ADCY1: variants seen among roughly 807,000 people sequenced by gnomAD.
ADCY1 encodes adenylate cyclase 1.
In ADCY1, 28 loss-of-function variants were observed where a neutral mutation model predicts 105.4. The observed-to-expected ratio is 0.27, with a 90% CI of 0.20 to 0.36. The LOEUF (loss-of-function observed/expected upper bound fraction) is 0.36, where lower values mean the gene tolerates loss of function less well. Ranked by LOEUF, ADCY1 falls within the 10% of genes least tolerant of loss-of-function variation. The pLI is 1.00. For missense variants in ADCY1, 977 were observed against 1,434.2 expected, an observed-to-expected ratio of 0.68 and a Z score of 5.15; for synonymous variants, 655 against 623.8, an observed-to-expected ratio of 1.05 and a Z score of -0.75.
chr7:45,687,082 C>A (rs1016396950), intron 14 of ADCY1, among the ~76,000 whole-genome samples: 2 of 152,166 alleles, frequency 1.3e-5, no homozygotes, highest in African/African-American at 4.8e-5. Context: ...TGCCAAAACT[C>A]TCACCACCTA....
chr7:45,662,225 C>T lies in ADCY1; in HGVS notation c.1605+11C>T. The T allele has an allele frequency of 1.2e-6, 2 of 1,609,994 alleles. No homozygotes were observed. The highest frequency in any genetic ancestry group is 1.7e-6 in the Non-Finnish European group (2 of 1,178,666). ...GAGGACGATGACAAGGTAGGAGCAG[C>T]CAGGGAGCCTGCCATGCTGGAGCTG... On this transcript the variant is annotated intron_variant, in intron 8 of 19. Coordinates refer to ENST00000297323, the MANE Select transcript of ADCY1 (RefSeq NM_021116.4).
At position 45,574,807 on chromosome 7, in the gene ADCY1, C is replaced by G; in HGVS notation, c.264C>G (p.Pro88=). ...AELLGAPGPA[P]GLAKGSHPVH... is the part of the protein sequence containing the mutation. ...TGCTGGGCGCGCCGGGGCCCGCGCC[C>G]GGCCTGGCCAAGGGCTCACACCCGG... is the stretch of plus-strand genomic sequence containing the variant. Residue 88 remains proline (P), a synonymous_variant, in exon 1 of 20, where the codon CCC becomes CCG. Coordinates refer to ENST00000297323, the MANE Select transcript of ADCY1 (RefSeq NM_021116.4). This position sits in a 1 kb window ranked among gnomAD's most constrained non-coding sequence, Gnocchi z 7.0. 1.3e-6 allele frequency: 2 copies of G among 1,589,190 alleles called. No homozygotes were observed. Among genetic ancestry groups the G allele is most frequent in the Non-Finnish European group, 1.7e-6 (2 of 1,172,140 alleles).
At chr7:45,631,502 A>G (rs1444968654) in intron 4 of ADCY1, among the ~76,000 whole-genome samples, 1 of 152,236 alleles carries the variant, frequency 6.6e-6, no homozygotes, top group Non-Finnish European at 1.5e-5. Context: ...TTCCTTAAAT[A>G]CTTGTTTTAC....
chr7:45,598,800 C>T (rs894155325), intron 2 of ADCY1, among the ~76,000 whole-genome samples: 4 of 152,208 alleles, frequency 2.6e-5, no homozygotes, highest in African/African-American at 9.7e-5. Flanking sequence ...TCAGTCACAG[C>T]ATAGAAAGCT....
chr7:45,578,864 T>C (rs1792431336), intron 1 of ADCY1, among the ~76,000 whole-genome samples: 1 of 152,236 alleles, frequency 6.6e-6, no homozygotes, highest in Non-Finnish European at 1.5e-5. Flanking sequence ...TGAATCAGGA[T>C]ATTGTATTTT....
Position 45,686,559 on chromosome 7 carries a change from C to T in ADCY1, c.2340C>T (p.Val780=), listed in dbSNP as rs1019413845. 3.1e-6 allele frequency: 5 copies of T among 1,611,566 alleles called. No individual in the cohort carries two copies. In the South Asian group the frequency reaches 5.5e-5, roughly 18 times the overall value. Residue 780 remains valine, a synonymous_variant, in exon 14 of 20, where the codon GTC becomes GTT. Transcript: ENST00000297323. The surrounding 1 kb of genome is among the most constrained non-coding windows in gnomAD (Gnocchi z 4.3). ...CATCTTCCCCCAGGGGTGGTGCCGT[C>T]TCCGGGCGCAGCTACGAGCCGATTG... The part of the protein sequence containing the change: ...SGYTRTGGGA[V]SGRSYEPIVA...
In ADCY1 at chr7:45,575,795, C is replaced by T. The variant is rs1462163301; in HGVS notation, c.639+613C>T. Among the ~76,000 whole-genome samples the T allele has an allele frequency of 6.6e-6, 1 of 152,256 alleles. No homozygotes were observed. The highest frequency in any genetic ancestry group is 1.5e-5 in the Non-Finnish European group (1 of 68,050). Reference sequence around the variant, plus strand: ...AACACAGTCTAGTCCCTGCCGCTGCCACTCGGCGGTTGCCCTGACCCTGCC... The same window carrying T: ...AACACAGTCTAGTCCCTGCCGCTGCTACTCGGCGGTTGCCCTGACCCTGCC... On this transcript the variant is annotated intron_variant, in intron 1 of 19. Coordinates refer to ENST00000297323, the MANE Select transcript of ADCY1 (RefSeq NM_021116.4). This position sits in a 1 kb window ranked among gnomAD's most constrained non-coding sequence, Gnocchi z 4.7.
rs1785435308 is a variant in ADCY1 at position 45,719,842 on chromosome 7, T to C, written c.*5847T>C. ...GATTTCCCTCAGAAAATCCTTGTTA[T>C]TAGAGGAGAAGGTCTGGGCAGGGGC... On this transcript the variant is annotated 3_prime_UTR_variant, in exon 20 of 20. Coordinates refer to ENST00000297323, the MANE Select transcript of ADCY1 (RefSeq NM_021116.4). 6.6e-6 allele frequency: 1 copy of C among 152,224 alleles called. No homozygotes were observed. The highest frequency in any genetic ancestry group is 1.5e-5 in the Non-Finnish European group (1 of 68,040). 9.4% of individuals were successfully genotyped at this position (152,224 alleles called of 1,614,324 possible).
intron 4 of ADCY1, among the ~76,000 whole-genome samples, chr7:45,627,728 G>T (rs879885561): frequency 1.3e-5 from 2 of 152,184 alleles, no homozygotes; most frequent in Non-Finnish European, 2.9e-5. Context: ...AGCAGGGTCA[G>T]TACCTGGGAC....
At chr7:45,672,892 A>G (rs566444995) in intron 8 of ADCY1, among the ~76,000 whole-genome samples, 2 of 152,316 alleles carry the variant, frequency 1.3e-5, no homozygotes, top group South Asian at 4.1e-4. Context: ...TCCAGAGCAT[A>G]GAAGGAACGT....
chr7:45,646,528 G>C (rs1051379228), intron 4 of ADCY1, among the ~76,000 whole-genome samples: 3 of 152,200 alleles, frequency 2.0e-5, no homozygotes, highest in African/African-American at 7.2e-5. Context: ...ACTGCACAGA[G>C]ACCCTTGCCC....
chr7:45,578,322 T>G (rs1163716464), intron 1 of ADCY1, among the ~76,000 whole-genome samples: 2 of 152,190 alleles, frequency 1.3e-5, no homozygotes, highest in Non-Finnish European at 2.9e-5. Flanking sequence ...TCCATAAATA[T>G]GTGCTAAGTG....
chr7:45,627,504 C>T (rs962765073), intron 4 of ADCY1, among the ~76,000 whole-genome samples: 1 of 152,218 alleles, frequency 6.6e-6, no homozygotes, highest in Non-Finnish European at 1.5e-5. Flanking sequence ...TGGAGCCTGG[C>T]ACACAATGGC....
chr7:45,657,474 G>A (rs1794972610), intron 5 of ADCY1, among the ~76,000 whole-genome samples: 1 of 152,244 alleles, frequency 6.6e-6, no homozygotes, highest in African/African-American at 2.4e-5. Context: ...TCATGAGTCT[G>A]GTGTGGACAT....
rs747754131 is a variant in ADCY1, at chr7:45,622,709, A to G, written c.986A>G (p.Asn329Ser). 5 of 1,609,590 alleles carry G rather than the reference A, an allele frequency of 3.1e-6. No individual in the cohort carries two copies. The highest frequency in any genetic ancestry group is 1.4e-5 in the African/African-American group (1 of 73,802). ...CTAQELVKLLNELFGKFDELA... is the reference protein window; with the variant it reads ...CTAQELVKLLSELFGKFDELA... The stretch of plus-strand genomic sequence containing the variant: ...GCCCAGGAGCTGGTGAAACTCCTCA[A>G]TGAGCTCTTCGGCAAGTTCGATGAA... The change falls in exon 4 of 20, where the codon AAT (asparagine) becomes AGT (serine). Residue 329 changes from asparagine (N) to serine (S), a missense_variant. Transcript: ENST00000297323.
At chr7:45,661,151 T>C (rs1795089907) in intron 7 of ADCY1, among the ~76,000 whole-genome samples, 1 of 152,140 alleles carries the variant, frequency 6.6e-6, no homozygotes, top group African/African-American at 2.4e-5. Flanking sequence ...GCCCCTGGGC[T>C]CTGTCACATT....
At chr7:45,670,520 A>T (rs1052265313) in intron 8 of ADCY1, among the ~76,000 whole-genome samples, 1 of 152,164 alleles carries the variant, frequency 6.6e-6, no homozygotes, top group African/African-American at 2.4e-5. Flanking sequence ...ACCTGTGTTC[A>T]TCAGCCCCGA....
At chr7:45,694,247 C>T (rs1307863073) in intron 14 of ADCY1, among the ~76,000 whole-genome samples, 1 of 151,898 alleles carries the variant, frequency 6.6e-6, no homozygotes, top group Non-Finnish European at 1.5e-5. Flanking sequence ...CAGCAAGTCT[C>T]AAGAAATTCA....
At position 45,684,974 on chromosome 7, in the gene ADCY1, T is replaced by C; in HGVS notation, c.1984-5T>C. ...GTATTTTCTAAATTAACATTTCTTA[T>C]TCAGTGTTTTCCAGGGTGCCTGACG... On this transcript the variant is annotated splice_region_variant and splice_polypyrimidine_tract_variant and intron_variant, in intron 11 of 19. Coordinates refer to ENST00000297323, the MANE Select transcript of ADCY1 (RefSeq NM_021116.4). 6.2e-7 allele frequency: 1 copy of C among 1,612,410 alleles called. No homozygotes were observed.
Sources: allele counts gnomAD v4.1 joint callset (sites outside exome capture counted in the v4.1 genomes callset), GRCh38; gene constraint gnomAD v4.1.1; non-coding constraint Gnocchi (gnomAD v3.1); transcripts MANE v1.5; gene names NCBI Gene and HGNC (gene_info 2026-07-23, HGNC 2026-07-21).